Variants in KAZN observed in about 807,000 individuals in gnomAD.
KAZN encodes kazrin.
In KAZN, 40 loss-of-function variants were observed where a neutral mutation model predicts 87.4. The ratio of observed to expected loss-of-function variants is 0.46; its 90% CI spans 0.36 to 0.60. The LOEUF (loss-of-function observed/expected upper bound fraction) is 0.60, where lower values mean the gene tolerates loss of function less well. Among genes scored for constraint, KAZN ranks in the 20% least tolerant of loss-of-function variants. KAZN has a pLI of 0.00. For missense variants in KAZN, 898 were observed against 1,073.9 expected, an observed-to-expected ratio of 0.84 and a Z score of 2.29; for synonymous variants, 466 against 458.3, an observed-to-expected ratio of 1.02 and a Z score of -0.22.
At chr1:14,900,216 C>G (rs1043845592) in intron 1 of KAZN, among the ~76,000 whole-genome samples, 1 of 152,158 alleles carries the variant, frequency 6.6e-6, no homozygotes. Flanking sequence ...TTCTGATTCC[C>G]GCTCAGAACT....
intron 1 of KAZN, among the ~76,000 whole-genome samples, chr1:14,754,978 A>C (rs1402322096): frequency 6.6e-6 from 1 of 151,848 alleles, no homozygotes; most frequent in Non-Finnish European, 1.5e-5. Flanking sequence ...CCAGTGGCTC[A>C]CATCTATAAT....
At chr1:13,939,403 A>G (rs1350893791) in intron 1 of KAZN, among the ~76,000 whole-genome samples, 2 of 152,232 alleles carry the variant, frequency 1.3e-5, no homozygotes, top group East Asian at 3.8e-4. Context: ...CTAAGGCATA[A>G]TAAGAGTGAC....
At chr1:14,668,156 G>A (rs888238992) in intron 1 of KAZN, among the ~76,000 whole-genome samples, 1 of 152,074 alleles carries the variant, frequency 6.6e-6, no homozygotes, top group African/African-American at 2.4e-5. Flanking sequence ...AAAATGAGAG[G>A]GAAATGAAAG....
chr1:15,097,125 G>C (rs999598323), intron 10 of KAZN, among the ~76,000 whole-genome samples: 3 of 152,084 alleles, frequency 2.0e-5, no homozygotes, highest in African/African-American at 7.2e-5. Context: ...AGAAGTGAAG[G>C]GAGTTAAATT....
At chr1:14,455,457 C>T (rs1029741929) in intron 2 of KAZN, among the ~76,000 whole-genome samples, 2 of 152,094 alleles carry the variant, frequency 1.3e-5, no homozygotes, top group African/African-American at 4.8e-5. Flanking sequence ...TTGGAGGCTG[C>T]GTTTGTTAAA....
intron 2 of KAZN, among the ~76,000 whole-genome samples, chr1:14,529,107 C>T (rs1053343017): frequency 2.0e-5 from 3 of 152,226 alleles, no homozygotes; most frequent in African/African-American, 7.2e-5. Context: ...AGTTCGAGAC[C>T]AGCATGACCA....
intron 1 of KAZN, among the ~76,000 whole-genome samples, chr1:14,051,463 T>C (rs1642325566): frequency 6.6e-6 from 1 of 152,172 alleles, no homozygotes; most frequent in South Asian, 2.1e-4. Flanking sequence ...AAGCACAAGA[T>C]AAAATTTCTG....
chr1:14,235,733 G>A (rs1397836614), intron 2 of KAZN, among the ~76,000 whole-genome samples: 1 of 152,200 alleles, frequency 6.6e-6, no homozygotes, highest in Non-Finnish European at 1.5e-5. Flanking sequence ...TCACAGTAAA[G>A]TCTGAAAATA....
intron 2 of KAZN, among the ~76,000 whole-genome samples, chr1:14,545,821 C>A (rs1673105516): frequency 6.6e-6 from 1 of 152,146 alleles, no homozygotes; most frequent in African/African-American, 2.4e-5. Flanking sequence ...GTGAGTCACA[C>A]TGGCTTTTAA....
chr1:14,416,796 A>G (rs533950878), intron 2 of KAZN, among the ~76,000 whole-genome samples: 1 of 152,108 alleles, frequency 6.6e-6, no homozygotes, highest in Non-Finnish European at 1.5e-5. Context: ...AAAAAGGGAA[A>G]AAAAACCCAG....
chr1:14,703,578 C>T (rs1642044656), intron 1 of KAZN, among the ~76,000 whole-genome samples: 1 of 152,146 alleles, frequency 6.6e-6, no homozygotes, highest in Admixed American at 6.5e-5. Flanking sequence ...TATAAATTAC[C>T]CAGTCTCAGG....
At chr1:14,225,051 G>A (rs1436595368) in intron 2 of KAZN, among the ~76,000 whole-genome samples, 1 of 152,078 alleles carries the variant, frequency 6.6e-6, no homozygotes, top group Admixed American at 6.6e-5. Context: ...CCTAGCCAGA[G>A]CAATCAGGCA....
intron 2 of KAZN, among the ~76,000 whole-genome samples, chr1:14,225,526 A>G (rs985716345): frequency 2.0e-5 from 3 of 152,192 alleles, no homozygotes; most frequent in African/African-American, 4.8e-5. Context: ...ATTAGAAAAA[A>G]ATTCTAAAAT....
chr1:14,941,775 G>A (rs1661109504), intron 1 of KAZN, among the ~76,000 whole-genome samples: 1 of 152,218 alleles, frequency 6.6e-6, no homozygotes, highest in Non-Finnish European at 1.5e-5. Context: ...GGTCTTTGCT[G>A]AAATCCATGC....
At chr1:15,041,782 C>G (rs1672960217) in intron 3 of KAZN, among the ~76,000 whole-genome samples, 1 of 152,010 alleles carries the variant, frequency 6.6e-6, no homozygotes, top group Non-Finnish European at 1.5e-5. Flanking sequence ...CCTTCCAGTT[C>G]CAGACCTCTC....
intron 1 of KAZN, among the ~76,000 whole-genome samples, chr1:14,855,354 T>G (rs1186202527): frequency 6.6e-6 from 1 of 152,214 alleles, no homozygotes; most frequent in Non-Finnish European, 1.5e-5. Flanking sequence ...TGCATGAAAG[T>G]TAAATTGCTG....
intron 2 of KAZN, among the ~76,000 whole-genome samples, chr1:14,386,137 C>T (rs913500745): frequency 6.8e-6 from 1 of 146,366 alleles, no homozygotes; most frequent in East Asian, 2.1e-4. Flanking sequence ...GATTGCAACC[C>T]CTGCCTTTTT....
Position 14,040,784 on chromosome 1 carries a change from A to T in KAZN, c.92-139651A>T, listed in dbSNP as rs955388968. On this transcript the variant is annotated intron_variant, in intron 1 of 16. Transcript: ENST00000636203. The stretch of plus-strand genomic sequence containing the variant: ...CATCTCAAAAAAATTAAAATAAAAT[A>T]AAATTAAATTAAATTAAAATAAAAT... Among the ~76,000 whole-genome samples the T allele has an allele frequency of 2.3e-3, 305 of 133,566 alleles. 2 individuals are homozygous for T. The highest frequency in any genetic ancestry group is 7.6e-3 in the African/African-American group (286 of 37,612). The allele number at this position is 133,566 out of a possible 152,430, so 87.6% of individuals were successfully genotyped here.
At chr1:14,022,485 C>CAAAAAAAAAAAAAAAAAAAAAAAA (rs58713618) in intron 1 of KAZN, among the ~76,000 whole-genome samples, 4 of 110,478 alleles carry the variant, frequency 3.6e-5, no homozygotes, top group Non-Finnish European at 7.1e-5. Flanking sequence ...GTATTTAAAG[C>CAAAAAAAAAAAAAAAAAAAAAAAA]AAAAAAAAAA....
Sources: gnomAD v4.1 joint callset for allele counts (sites outside exome capture counted in the v4.1 genomes callset) on GRCh38, gnomAD v4.1.1 for gene constraint, MANE v1.5 for transcripts, NCBI Gene and HGNC (gene_info 2026-07-23, HGNC 2026-07-21) for gene names.